Variants in LRP1B observed in about 807,000 individuals in gnomAD.
The protein encoded by LRP1B is low-density lipoprotein receptor-related protein 1B.
A neutral mutation model predicts 556.6 loss-of-function variants in LRP1B; 217 were observed. That is an observed-to-expected ratio of 0.39 (90% confidence interval 0.35 to 0.44). The LOEUF (loss-of-function observed/expected upper bound fraction) is 0.44. Among genes scored for constraint, LRP1B ranks in the 20% least tolerant of loss-of-function variants. The pLI, the probability that LRP1B is intolerant of heterozygous loss-of-function variation, is 1.00. For missense variants in LRP1B, 5,053 were observed against 5,620.8 expected (o/e 0.90, Z 3.23); for synonymous variants, 2,047 against 1,865.8 (o/e 1.10, Z -2.50).
intron 1 of LRP1B, among the ~76,000 whole-genome samples, chr2:141,909,607 G>C (rs982293793): frequency 6.8e-6 from 1 of 147,660 alleles, no homozygotes; most frequent in Non-Finnish European, 1.5e-5. Flanking sequence ...ATAGACCCTG[G>C]GGCAGATGGC....
rs149274997 is a variant in LRP1B, at chr2:140,585,885, C to A, written c.7194+12746G>T. Among the ~76,000 whole-genome samples the A allele has an allele frequency of 6.9e-3, 1,047 of 152,202 alleles. 7 individuals are homozygous for A. Among genetic ancestry groups the A allele is most frequent in the Admixed American group, 0.011 (167 of 15,282 alleles). On this transcript the variant is annotated intron_variant, in intron 43 of 90. Coordinates refer to ENST00000389484, the MANE Select transcript of LRP1B (RefSeq NM_018557.3). ...CAGTGATTTCAATGTCTTTGGCCTG[C>A]AGCTCATGCCATATCATGTGTGTTT... is the stretch of plus-strand genomic sequence containing the variant.
intron 43 of LRP1B, among the ~76,000 whole-genome samples, chr2:140,570,041 A>T (rs933633871): frequency 1.3e-5 from 2 of 151,770 alleles, no homozygotes; most frequent in African/African-American, 4.8e-5. Context: ...AGGCATTGTT[A>T]ATAGGCAAGG....
rs796223597 is a variant in LRP1B, at chr2:140,876,806, A to AT, written c.4169+7010dup. Reference sequence around the variant, plus strand: ...CAATTTAAAAGCCTATGTGAAAAATATTTTTTTTTCTTGCTGCACTGTATA... The same window carrying AT: ...CAATTTAAAAGCCTATGTGAAAAATATTTTTTTTTTCTTGCTGCACTGTATA... On this transcript the variant is annotated intron_variant, in intron 25 of 90. Transcript: ENST00000389484. 2.6e-3 allele frequency among the ~76,000 whole-genome samples: 398 copies of AT among 151,748 alleles called. 3 individuals are homozygous for AT. The highest frequency in any genetic ancestry group is 8.9e-3 in the African/African-American group (368 of 41,412).
chr2:141,937,633 G>T lies in LRP1B; in HGVS notation c.83-127232C>A, dbSNP rs1027611320. Among the ~76,000 whole-genome samples, 4 of 150,858 alleles carry T rather than the reference G, an allele frequency of 2.7e-5. No homozygotes were observed. In the East Asian group the frequency reaches 5.8e-4, roughly 22 times the overall value. ...CTGATTCTAAAATTTATATTAAAGT[G>T]CAAGGATAAAAAAAACCATGGTGCA... On this transcript the variant is annotated intron_variant, in intron 1 of 90. Coordinates refer to ENST00000389484, the MANE Select transcript of LRP1B (RefSeq NM_018557.3).
intron 3 of LRP1B, among the ~76,000 whole-genome samples, chr2:141,267,523 C>T (rs892946598): frequency 1.7e-4 from 26 of 152,012 alleles, no homozygotes; most frequent in Non-Finnish European, 7.4e-5. Flanking sequence ...TATTACATAC[C>T]TTGTAGTAGA....
intron 3 of LRP1B, among the ~76,000 whole-genome samples, chr2:141,267,852 G>C (rs1234641894): frequency 1.3e-5 from 2 of 152,096 alleles, no homozygotes; most frequent in Admixed American, 6.6e-5. Flanking sequence ...ATAGGATGGA[G>C]GTAGTAGTAG....
rs1435608752 is a variant in LRP1B at position 140,700,438 on chromosome 2, T to C, written c.6611A>G (p.Asp2204Gly). Residue 2204 changes from aspartate to glycine, a missense_variant, in exon 41 of 91, where the codon GAT becomes GGT. Asp to Gly is a moderately conservative substitution (Grantham distance 94, BLOSUM62 -1). Around this residue, in one of 5 missense-constraint regions of LRP1B, gnomAD observed 3,619 missense variants for 3,931.9 expected, o/e 0.92. Transcript: ENST00000389484. Reference protein sequence around the residue: ...RTILKSIHLSDETNLNSPIRP... With the variant: ...RTILKSIHLSGETNLNSPIRP... ...TATTGGGGAATTTAAATTGGTTTCA[T>C]CAGAAAGATGTATACTTTTTAATAT... is the stretch of plus-strand genomic sequence containing the variant. The C allele has an allele frequency of 6.2e-7, 1 of 1,613,400 alleles. No homozygotes were observed. The highest frequency in any genetic ancestry group is 1.1e-5 in the South Asian group (1 of 91,066).
intron 32 of LRP1B, among the ~76,000 whole-genome samples, chr2:140,796,041 T>G (rs962870381): frequency 2.4e-4 from 36 of 148,334 alleles, no homozygotes; most frequent in African/African-American, 8.3e-4. Context: ...GTAACAATTA[T>G]GTCCCTGCTC....
chr2:140,466,528 G>C (rs771388645), intron 60 of LRP1B, among the ~76,000 whole-genome samples: 2 of 152,074 alleles, frequency 1.3e-5, no homozygotes, highest in Non-Finnish European at 2.9e-5. Flanking sequence ...ACGAGCTGTA[G>C]TGAATATAAT....
intron 1 of LRP1B, among the ~76,000 whole-genome samples, chr2:141,853,519 A>G (rs1161350411): frequency 6.6e-6 from 1 of 151,824 alleles, no homozygotes; most frequent in Non-Finnish European, 1.5e-5. Flanking sequence ...TGAAGTGTAT[A>G]TGTATGTTGT....
At chr2:141,720,731 T>C (rs1692780154) in intron 2 of LRP1B, among the ~76,000 whole-genome samples, 1 of 151,512 alleles carries the variant, frequency 6.6e-6, no homozygotes, top group Non-Finnish European at 1.5e-5. Flanking sequence ...TTGATTTAGT[T>C]GTGATTGTCT....
At chr2:140,328,804 T>C (rs915740322) in intron 79 of LRP1B, among the ~76,000 whole-genome samples, 2 of 151,594 alleles carry the variant, frequency 1.3e-5, no homozygotes, top group African/African-American at 4.9e-5. Flanking sequence ...ACAAACACAC[T>C]TATTTTTCAT....
chr2:140,315,182 A>T, intron 82 of LRP1B, 83 bp from the exon 83 acceptor site: 1 of 911,510 alleles, frequency 1.1e-6, no homozygotes, highest in Non-Finnish European at 1.6e-6. Flanking sequence ...CAATATTTAA[A>T]TACTAGGATC....
intron 69 of LRP1B, 58 bp from the exon 70 acceptor site, chr2:140,371,343 TAAA>T (rs1682984619): frequency 2.4e-6 from 2 of 846,586 alleles, no homozygotes; most frequent in Admixed American, 2.7e-5. Flanking sequence ...GTTTTAGAAA[TAAA>T]AACATAAACA....
At chr2:140,506,435 G>T (rs1360057344) in intron 53 of LRP1B, among the ~76,000 whole-genome samples, 1 of 151,912 alleles carries the variant, frequency 6.6e-6, no homozygotes, top group Non-Finnish European at 1.5e-5. Context: ...GTAGAGATGG[G>T]GTTTCCCCAT....
At chr2:141,553,665 T>C (rs563873903) in intron 2 of LRP1B, among the ~76,000 whole-genome samples, 5 of 145,276 alleles carry the variant, frequency 3.4e-5, no homozygotes, top group African/African-American at 1.2e-4. Flanking sequence ...ATTTTATATA[T>C]AACATATAGA....
intron 6 of LRP1B, among the ~76,000 whole-genome samples, chr2:141,223,552 C>G (rs1683125010): frequency 6.6e-6 from 1 of 151,982 alleles, no homozygotes; most frequent in South Asian, 2.1e-4. Flanking sequence ...CATATGACAT[C>G]AAAAAAGAGC....
intron 10 of LRP1B, among the ~76,000 whole-genome samples, chr2:141,052,135 C>T (rs1372622389): frequency 6.6e-6 from 1 of 151,974 alleles, no homozygotes; most frequent in Non-Finnish European, 1.5e-5. Context: ...GCATTTCACA[C>T]ATTTTCTTAG....
At chr2:140,323,448 C>A (rs1483536712) in intron 81 of LRP1B, among the ~76,000 whole-genome samples, 1 of 151,786 alleles carries the variant, frequency 6.6e-6, no homozygotes, top group Non-Finnish European at 1.5e-5. Flanking sequence ...CAATAAATTT[C>A]CTTCCTTAGA....
Sources: allele counts gnomAD v4.1 joint callset (sites outside exome capture counted in the v4.1 genomes callset), GRCh38; gene constraint gnomAD v4.1.1; regional missense constraint gnomAD v4.1.1; transcripts MANE v1.5; gene names NCBI Gene and HGNC (gene_info 2026-07-23, HGNC 2026-07-21).